The following TAPT1 variants were observed in gnomAD, a reference collection of about 807,000 sequenced individuals.
TAPT1 encodes the protein transmembrane anterior posterior transformation 1.
A neutral mutation model predicts 65.6 loss-of-function variants in TAPT1; 28 were observed. The ratio of observed to expected loss-of-function variants is 0.43; its 90% CI spans 0.32 to 0.59. The LOEUF is 0.59. TAPT1 is among the 20% of genes least tolerant of loss of function. TAPT1 has a pLI of 0.09. For synonymous variants in TAPT1, 278 were observed against 245.2 expected, an observed-to-expected ratio of 1.13 and a Z score of -1.25; for missense variants, 563 against 679.9, an observed-to-expected ratio of 0.83 and a Z score of 1.91.
At chr4:16,177,266 G>A (rs1748391237) in intron 8 of TAPT1, among the ~76,000 whole-genome samples, 2 of 152,182 alleles carry the variant, frequency 1.3e-5, no homozygotes, top group East Asian at 1.9e-4. Flanking sequence ...TGCAAATTAT[G>A]CATCAATAAA....
chr4:16,165,346 G>A (rs548860211), intron 13 of TAPT1, among the ~76,000 whole-genome samples: 235 of 152,110 alleles, frequency 1.5e-3, no homozygotes, highest in Middle Eastern at 0.014. Context: ...CGAGGCAGGC[G>A]GATCACGAGG....
intron 13 of TAPT1, among the ~76,000 whole-genome samples, chr4:16,164,717 T>C (rs1374986737): frequency 6.6e-6 from 1 of 152,192 alleles, no homozygotes; most frequent in African/African-American, 2.4e-5. Flanking sequence ...TAAAGGCATG[T>C]GCCACTATGC....
chr4:16,165,620 T>C (rs1043079274), intron 13 of TAPT1, among the ~76,000 whole-genome samples: 2 of 149,054 alleles, frequency 1.3e-5, no homozygotes, highest in African/African-American at 2.5e-5. Flanking sequence ...TATGAACAAA[T>C]ACCTCTGTGA....
chr4:16,191,267 G>A (rs970511402), intron 4 of TAPT1, 94 bp downstream of exon 4: 14 of 1,279,618 alleles, frequency 1.1e-5, no homozygotes, highest in African/African-American at 6.0e-5. Context: ...AACTAGAGTC[G>A]GTAGAGCATT....
chr4:16,226,088 G>C (rs1355970128), intron 1 of TAPT1, 171 bp downstream of exon 1: 2 of 1,025,910 alleles, frequency 1.9e-6, no homozygotes, highest in South Asian at 4.6e-5. Context: ...AACTGTCAAC[G>C]GCCGCGGAGC....
At chr4:16,168,661 T>G (rs1430686943) in intron 12 of TAPT1, among the ~76,000 whole-genome samples, 8 of 152,272 alleles carry the variant, frequency 5.3e-5, no homozygotes, top group African/African-American at 1.7e-4. Context: ...CTCCTCATAC[T>G]ACTGTGCTTT....
intron 1 of TAPT1, among the ~76,000 whole-genome samples, chr4:16,221,313 A>G (rs571991785): frequency 2.0e-5 from 3 of 151,884 alleles, no homozygotes; most frequent in Non-Finnish European, 4.4e-5. Context: ...TTTAGTAGAG[A>G]CAGGGTTTCA....
chr4:16,179,420 G>A (rs1049670121), intron 8 of TAPT1, 157 bp downstream of exon 8: 3 of 529,924 alleles, frequency 5.7e-6, no homozygotes, highest in South Asian at 5.6e-5. Context: ...TTGACTGAAG[G>A]TCATTAAGTG....
intron 2 of TAPT1, among the ~76,000 whole-genome samples, chr4:16,210,182 A>C (rs1218779041): frequency 6.6e-6 from 1 of 152,216 alleles, no homozygotes; most frequent in Non-Finnish European, 1.5e-5. Context: ...AGAGGAAAGA[A>C]GACAGCTTTC....
chr4:16,191,177 G>T (rs1448597025), intron 4 of TAPT1, 184 bp downstream of exon 4: 3 of 576,040 alleles, frequency 5.2e-6, no homozygotes, highest in African/African-American at 3.7e-5. Context: ...TCCAGACCCA[G>T]CCTAGATCTC....
Position 16,166,689 on chromosome 4 carries a change from G to A in TAPT1, c.1418C>T (p.Thr473Ile). The A allele has an allele frequency of 6.2e-7, 1 of 1,613,986 alleles. No individual in the cohort carries two copies. Among genetic ancestry groups the A allele is most frequent in the South Asian group, 1.1e-5 (1 of 91,084 alleles). Reference protein sequence around the residue: ...MEEKLSNPPATCTPGKPSSKS... With the variant: ...MEEKLSNPPAICTPGKPSSKS... Reference sequence around the variant, plus strand: ...ACTGGACGGCTTGCCTGGAGTGCAGGTTGCGGGAGGATTCGACAGCTTCTC... The same window carrying A: ...ACTGGACGGCTTGCCTGGAGTGCAGATTGCGGGAGGATTCGACAGCTTCTC... The change falls in exon 13 of 14, where the codon ACC (threonine) becomes ATC (isoleucine). Residue 473 changes from threonine (T) to isoleucine (I), a missense_variant. Physicochemically the swap from Thr to Ile is moderately conservative, Grantham distance 89 (BLOSUM62 -1). Transcript: ENST00000405303.
At chr4:16,215,907 T>C (rs1007463031) in intron 1 of TAPT1, among the ~76,000 whole-genome samples, 1 of 152,138 alleles carries the variant, frequency 6.6e-6, no homozygotes, top group Non-Finnish European at 1.5e-5. Context: ...CCAAGACTAA[T>C]GAAAGATAAA....
intron 2 of TAPT1, among the ~76,000 whole-genome samples, chr4:16,205,569 T>C (rs143099945): frequency 3.9e-5 from 6 of 151,964 alleles, no homozygotes; most frequent in Non-Finnish European, 7.4e-5. Flanking sequence ...GAAACACAGG[T>C]GAAGAGCCTG....
chr4:16,172,589 T>C (rs569125728), intron 11 of TAPT1, among the ~76,000 whole-genome samples: 2 of 152,274 alleles, frequency 1.3e-5, no homozygotes, highest in East Asian at 3.9e-4. Context: ...ATTAATATAA[T>C]TAAAAATGTT....
chr4:16,187,463 A>C (rs993627211), intron 5 of TAPT1, among the ~76,000 whole-genome samples: 3 of 152,196 alleles, frequency 2.0e-5, no homozygotes. Flanking sequence ...AGAATAGTTA[A>C]TTTATATCTA....
At chr4:16,218,740 C>T (rs973829619) in intron 1 of TAPT1, among the ~76,000 whole-genome samples, 1 of 152,212 alleles carries the variant, frequency 6.6e-6, no homozygotes, top group African/African-American at 2.4e-5. Flanking sequence ...GACGCAGTGT[C>T]TTCAACTACT....
In TAPT1 at chr4:16,162,893, T is replaced by C. The variant is rs749364753; in HGVS notation, c.*415A>G. 3.2e-5 allele frequency: 13 copies of C among 407,236 alleles called. No homozygotes were observed. The highest frequency in any genetic ancestry group is 6.7e-5 in the Non-Finnish European group (13 of 194,884). 25.2% of individuals were successfully genotyped at this position (407,236 alleles called of 1,614,324 possible). A position where few individuals can be genotyped will look rare whatever the true frequency, so the allele number is the denominator to read the frequency against. On this transcript the variant is annotated 3_prime_UTR_variant, in exon 14 of 14. Transcript: ENST00000405303. ...TTGAAAACTGTTTGTGAAAATAGTATGAGACTGGAAAGATTACGTCGTGGT... is the reference window on the plus strand; with the variant it reads ...TTGAAAACTGTTTGTGAAAATAGTACGAGACTGGAAAGATTACGTCGTGGT...
At chr4:16,221,712 A>G (rs1751266935) in intron 1 of TAPT1, among the ~76,000 whole-genome samples, 1 of 152,224 alleles carries the variant, frequency 6.6e-6, no homozygotes, top group Non-Finnish European at 1.5e-5. Context: ...TTTGGAAAGT[A>G]ATACTGGTTA....
intron 12 of TAPT1, among the ~76,000 whole-genome samples, chr4:16,167,729 C>A (rs1050197857): frequency 6.6e-6 from 1 of 152,098 alleles, no homozygotes; most frequent in East Asian, 1.9e-4. Flanking sequence ...AAATGGCAAG[C>A]AATTTTGTTA....
Sources: gnomAD v4.1 joint callset for allele counts (sites outside exome capture counted in the v4.1 genomes callset) on GRCh38, gnomAD v4.1.1 for gene constraint, MANE v1.5 for transcripts, NCBI Gene and HGNC (gene_info 2026-07-23, HGNC 2026-07-21) for gene names.